Variants in PIK3AP1 observed in about 807,000 individuals in gnomAD.
PIK3AP1 encodes the protein phosphoinositide-3-kinase adaptor protein 1.
PIK3AP1 carries 21 observed loss-of-function variants against 88.1 expected under a neutral mutation model. The ratio of observed to expected loss-of-function variants is 0.24; its 90% CI spans 0.17 to 0.34. The LOEUF is 0.34. Among genes scored for constraint, PIK3AP1 ranks in the 10% least tolerant of loss-of-function variants. The pLI, the probability that PIK3AP1 is intolerant of heterozygous loss-of-function variation, is 1.00. For synonymous variants in PIK3AP1, 398 were observed against 400.0 expected, an observed-to-expected ratio of 1.00 and a Z score of 0.06; for missense variants, 828 against 1,035.7, an observed-to-expected ratio of 0.80 and a Z score of 2.75.
intron 8 of PIK3AP1, among the ~76,000 whole-genome samples, chr10:96,642,318 C>T (rs1192829804): frequency 6.6e-6 from 1 of 150,438 alleles, no homozygotes; most frequent in Admixed American, 6.6e-5. Context: ...CCCAGTAACT[C>T]GGGAGGCTTA....
chr10:96,602,173 G>A, intron 16 of PIK3AP1, 107 bp downstream of exon 16: 1 of 969,924 alleles, frequency 1.0e-6, no homozygotes. Flanking sequence ...ATGAGCCACT[G>A]CGCCCAGCTC....
intron 8 of PIK3AP1, among the ~76,000 whole-genome samples, chr10:96,634,766 A>T (rs886804925): frequency 6.6e-6 from 1 of 152,136 alleles, no homozygotes. Context: ...AAAACAACTT[A>T]AATTTGTTAT....
chr10:96,715,007 C>G (rs1296531591), intron 1 of PIK3AP1, among the ~76,000 whole-genome samples: 1 of 148,080 alleles, frequency 6.8e-6, no homozygotes, highest in East Asian at 2.0e-4. Flanking sequence ...TGAGTTCTTT[C>G]CAAAGAGCAC....
At chr10:96,698,916 G>A (rs995088156) in intron 2 of PIK3AP1, among the ~76,000 whole-genome samples, 4 of 151,998 alleles carry the variant, frequency 2.6e-5, no homozygotes, top group Non-Finnish European at 2.9e-5. Flanking sequence ...AGTGGCTCAC[G>A]CCTGTAATCC....
rs1351216705 is a variant in PIK3AP1 at position 96,612,960 on chromosome 10, A to G, written c.2015-3093T>C. On this transcript the variant is annotated intron_variant, in intron 13 of 16. Coordinates refer to ENST00000339364, the MANE Select transcript of PIK3AP1 (RefSeq NM_152309.3). ...GAATTGTGTGTGTGTGTATATATAT[A>G]TATATATATATATATATATATATTT... 3.0e-3 allele frequency among the ~76,000 whole-genome samples: 281 copies of G among 92,958 alleles called. 3 individuals are homozygous for G. The highest frequency in any genetic ancestry group is 6.3e-3 in the African/African-American group (109 of 17,226). The allele number at this position is 92,958 out of a possible 152,430, so 61.0% of individuals were successfully genotyped here.
intron 16 of PIK3AP1, among the ~76,000 whole-genome samples, chr10:96,598,693 G>A (rs1183920861): frequency 6.6e-6 from 1 of 152,220 alleles, no homozygotes; most frequent in East Asian, 1.9e-4. Flanking sequence ...ACCAAAAGAA[G>A]ATTCACTCGC....
intron 13 of PIK3AP1, among the ~76,000 whole-genome samples, chr10:96,615,433 T>C (rs1381877231): frequency 1.3e-5 from 2 of 152,108 alleles, no homozygotes; most frequent in African/African-American, 4.8e-5. Flanking sequence ...ACTCCCTTAG[T>C]CTAGGCAAGA....
intron 13 of PIK3AP1, among the ~76,000 whole-genome samples, chr10:96,612,974 A>ATTTTT (rs1849145756): frequency 1.2e-5 from 1 of 84,870 alleles, no homozygotes; most frequent in Non-Finnish European, 2.0e-5. Context: ...ATATATATAT[A>ATTTTT]TATATATATT....
intron 8 of PIK3AP1, among the ~76,000 whole-genome samples, chr10:96,629,909 C>CAAAAAAAAAAAAAAAAAAAAAAAAAAAAA (rs66669261): frequency 1.8e-4 from 1 of 5,416 alleles, no homozygotes; most frequent in African/African-American, 2.5e-4. Context: ...CAACAACAAC[C>CAAAAAAAAAAAAAAAAAAAAAAAAAAAAA]AAAAAAAAAA....
chr10:96,664,128 AAGTCCAAAATAAAGATTC>A (rs1843729975), intron 2 of PIK3AP1, among the ~76,000 whole-genome samples: 1 of 152,248 alleles, frequency 6.6e-6, no homozygotes, highest in Non-Finnish European at 1.5e-5. Context: ...AGGAAAATAA[AAGTCCAAAATAAAGATTC>A]TGAACCAAGA....
At chr10:96,666,082 A>G (rs1214166296) in intron 2 of PIK3AP1, among the ~76,000 whole-genome samples, 5 of 152,254 alleles carry the variant, frequency 3.3e-5, no homozygotes, top group African/African-American at 9.6e-5. Flanking sequence ...AACAATAAAC[A>G]TAAAGAATTA....
In PIK3AP1 at chr10:96,712,380, A is replaced by G. The variant is rs528169605; in HGVS notation, c.14-2397T>C. ...AATTGTGAACATAATGGTCCTTTTC[A>G]GGAATGCCTACCCTGATTCCAAAGC... On this transcript the variant is annotated intron_variant, in intron 1 of 16. Transcript: ENST00000339364. Among the ~76,000 whole-genome samples, 10 of 152,346 alleles carry G rather than the reference A, an allele frequency of 6.6e-5. No individual in the cohort carries two copies. In the South Asian group the frequency reaches 2.1e-3, roughly 32 times the overall value.
At position 96,609,577 on chromosome 10, in the gene PIK3AP1, C is replaced by T. The variant is rs533167578; in HGVS notation, c.2170+135G>A. ...TAGTCAAACAGTAACTCGGCCCCACCTTTTATACCTCTCAAACCCAAACCA... is the reference window on the plus strand; with the variant it reads ...TAGTCAAACAGTAACTCGGCCCCACTTTTTATACCTCTCAAACCCAAACCA... On this transcript the variant is annotated intron_variant, in intron 14 of 16. Coordinates refer to ENST00000339364, the MANE Select transcript of PIK3AP1 (RefSeq NM_152309.3). 7.9e-6 allele frequency: 8 copies of T among 1,013,370 alleles called. No homozygotes were observed. The East Asian group carries it at 2.0e-4, about 26-fold the overall frequency. The allele number at this position is 1,013,370 out of a possible 1,614,324, so 62.8% of individuals were successfully genotyped here.
intron 8 of PIK3AP1, among the ~76,000 whole-genome samples, chr10:96,629,688 C>T (rs1293431164): frequency 1.3e-4 from 16 of 119,394 alleles, no homozygotes; most frequent in African/African-American, 3.0e-4. Flanking sequence ...GTCCAGCCTA[C>T]GCAACACAGT....
At chr10:96,601,069 C>T (rs1848880675) in intron 16 of PIK3AP1, among the ~76,000 whole-genome samples, 2 of 79,676 alleles carry the variant, frequency 2.5e-5, no homozygotes, top group Admixed American at 1.8e-4. Flanking sequence ...ATATTAACTC[C>T]TCTCCTGTAT....
intron 2 of PIK3AP1, among the ~76,000 whole-genome samples, chr10:96,697,836 A>G (rs971836575): frequency 6.6e-6 from 1 of 152,258 alleles, no homozygotes; most frequent in Non-Finnish European, 1.5e-5. Context: ...GGTAACCACT[A>G]TCAACAGTTT....
At position 96,620,561 on chromosome 10, in the gene PIK3AP1, G is replaced by A. The variant is rs1240783417; in HGVS notation, c.1736-4C>T. 10 of 1,611,434 alleles carry A rather than the reference G, an allele frequency of 6.2e-6. No homozygotes were observed. Among genetic ancestry groups the A allele is most frequent in the African/African-American group, 1.3e-5 (1 of 74,860 alleles). ...CTCCATGGTCTGACGGGCGGCCCTG[G>A]AAAGGATGGCAAAACTCAGCTTGAC... On this transcript the variant is annotated splice_region_variant and splice_polypyrimidine_tract_variant and intron_variant, in intron 11 of 16. Coordinates refer to ENST00000339364, the MANE Select transcript of PIK3AP1 (RefSeq NM_152309.3).
At chr10:96,649,789 T>A (rs972696340) in intron 6 of PIK3AP1, among the ~76,000 whole-genome samples, 1 of 152,212 alleles carries the variant, frequency 6.6e-6, no homozygotes, top group Non-Finnish European at 1.5e-5. Context: ...CACCAGGACG[T>A]CAGTTCACTC....
chr10:96,646,623 A>G (rs1455895725), intron 7 of PIK3AP1, among the ~76,000 whole-genome samples: 1 of 152,098 alleles, frequency 6.6e-6, no homozygotes, highest in Non-Finnish European at 1.5e-5. Context: ...TTGGCACACT[A>G]GCCCCTGTTC....
Sources: allele counts gnomAD v4.1 joint callset (sites outside exome capture counted in the v4.1 genomes callset), GRCh38; gene constraint gnomAD v4.1.1; transcripts MANE v1.5; gene names NCBI Gene and HGNC (gene_info 2026-07-23, HGNC 2026-07-21).